KMT2A: variants seen among roughly 807,000 people sequenced by gnomAD.
KMT2A encodes the protein lysine methyltransferase 2A.
KMT2A carries 16 observed loss-of-function variants against 345.3 expected under a neutral mutation model. That is an observed-to-expected ratio of 0.05 (90% CI 0.03 to 0.07). The LOEUF is 0.07. KMT2A is among the 10% of genes least tolerant of loss of function. The probability of loss-of-function intolerance (pLI) is 1.00; values close to 1 mark genes in which losing one functional copy is unlikely to be tolerated. For missense variants in KMT2A, 3,272 were observed against 4,841.6 expected (o/e 0.68, Z 9.62); for synonymous variants, 1,599 against 1,778.6 (o/e 0.90, Z 2.54).
intron 8 of KMT2A, among the ~76,000 whole-genome samples, chr11:118,482,764 A>G (rs906542156): frequency 3.4e-4 from 50 of 146,028 alleles, no homozygotes; most frequent in African/African-American, 9.9e-4. Context: ...AAAAAAAAAA[A>G]AAGAAGAAGA....
rs1555043378 is a variant in KMT2A at position 118,494,447 on chromosome 11, TA to T, written c.5289+50del. ...TTTTTAATGCTTACCTATAAGTAAT[TA>T]CCCTGTGAATACAATGAACTTGTTC... On this transcript the variant is annotated intron_variant, in intron 17 of 35. Coordinates refer to ENST00000534358, the MANE Select transcript of KMT2A (RefSeq NM_001197104.2). The surrounding 1 kb of genome is among the most constrained non-coding windows in gnomAD (Gnocchi z 5.8). 3.9e-6 allele frequency: 4 copies of T among 1,019,246 alleles called. No homozygotes were observed. The South Asian group carries it at 5.3e-5, about 14-fold the overall frequency. The allele number at this position is 1,019,246 out of a possible 1,614,324, so 63.1% of individuals were successfully genotyped here.
At chr11:118,479,617 A>C (rs1314575730) in intron 5 of KMT2A, among the ~76,000 whole-genome samples, 2 of 152,228 alleles carry the variant, frequency 1.3e-5, no homozygotes, top group African/African-American at 4.8e-5. Flanking sequence ...CACAGATCAC[A>C]AAAAAGTACA....
intron 1 of KMT2A, chr11:118,447,662 C>A (rs1432595440): frequency 6.6e-6 from 3 of 453,870 alleles, no homozygotes; most frequent in South Asian, 1.6e-5. Flanking sequence ...ACCTTGGAGA[C>A]GGTTCTGAGG....
chr11:118,455,362 T>C lies in KMT2A; in HGVS notation c.433-13413T>C, dbSNP rs146846144. On this transcript the variant is annotated intron_variant, in intron 1 of 35. Coordinates refer to ENST00000534358, the MANE Select transcript of KMT2A (RefSeq NM_001197104.2). ...TGATTGAGTGACAGTCATATTTGAA[T>C]TATGCCTGTAGCCTGCTATCTGGTC... Among the ~76,000 whole-genome samples, 813 of 152,318 alleles carry C rather than the reference T, an allele frequency of 5.3e-3. 9 individuals are homozygous for C. The highest frequency in any genetic ancestry group is 0.018 in the African/African-American group (732 of 41,566).
rs1555048544 is a variant in KMT2A, at chr11:118,506,573, T to A, written c.10681T>A (p.Ser3561Thr). 5 of 1,614,014 alleles carry A rather than the reference T, an allele frequency of 3.1e-6. No individual in the cohort carries two copies. The highest frequency in any genetic ancestry group is 4.2e-6 in the Non-Finnish European group (5 of 1,180,008). ...DKGNGKKHKV[S>T]HLRTSSSEAH... The stretch of plus-strand genomic sequence containing the variant: ...AGGGAATGGCAAGAAGCACAAAGTT[T>A]CCCATTTGCGGACCAGTTCTTCTGA... The change falls in exon 27 of 36, where the codon TCC becomes ACC. Residue 3561 changes from serine to threonine, a missense_variant. Transcript: ENST00000534358.
chr11:118,494,248 A>G lies in KMT2A; in HGVS notation c.5179-40A>G, dbSNP rs1478914482. The G allele has an allele frequency of 9.5e-7, 1 of 1,057,282 alleles. No homozygotes were observed. The allele number at this position is 1,057,282 out of a possible 1,614,324, so 65.5% of individuals were successfully genotyped here. On this transcript the variant is annotated intron_variant, in intron 16 of 35. Coordinates refer to ENST00000534358, the MANE Select transcript of KMT2A (RefSeq NM_001197104.2). This position sits in a 1 kb window ranked among gnomAD's most constrained non-coding sequence, Gnocchi z 5.8. The stretch of plus-strand genomic sequence containing the variant: ...GAAGAGGAAATGGTTTTCAGAGCAC[A>G]CTGTTTTAAGAATAATTAACATTTT...
chr11:118,472,959 C>T lies in KMT2A; in HGVS notation c.1800C>T (p.Ser600=). 1 of 1,614,056 alleles carries T rather than the reference C, an allele frequency of 6.2e-7. No homozygotes were observed. The highest frequency in any genetic ancestry group is 8.5e-7 in the Non-Finnish European group (1 of 1,180,026). Residue 600 remains serine, a synonymous_variant, in exon 3 of 36, where the codon TCC becomes TCT. Transcript: ENST00000534358. The part of the protein sequence containing the change: ...IPLASPFLPA[S]TAPMQGKRKS... ...TAGCATCACCATTTTTGCCTGCTTC[C>T]ACTGCTCCTATGCAAGGGAAGCGAA...
Position 118,502,657 on chromosome 11 carries a change from A to G in KMT2A, c.6765A>G (p.Ser2255=). Reference sequence around the variant, plus strand: ...ATCATGTCTTAGGGCCACTGAATTCAAGTACTAGTTTAGGGCAAAACACTT... The same window carrying G: ...ATCATGTCTTAGGGCCACTGAATTCGAGTACTAGTTTAGGGCAAAACACTT... ...VVDHVLGPLN[S]STSLGQNTST... is the part of the protein sequence containing the mutation. The change falls in exon 27 of 36, where the codon TCA becomes TCG. Residue 2255 remains serine (S), a synonymous_variant. Transcript: ENST00000534358. The surrounding 1 kb of genome is among the most constrained non-coding windows in gnomAD (Gnocchi z 4.9). The G allele has an allele frequency of 6.2e-7, 1 of 1,614,214 alleles. No individual in the cohort carries two copies. Among genetic ancestry groups the G allele is most frequent in the South Asian group, 1.1e-5 (1 of 91,078 alleles).
intron 15 of KMT2A, among the ~76,000 whole-genome samples, chr11:118,492,341 TTATG>T (rs1188552734): frequency 6.6e-6 from 1 of 152,218 alleles, no homozygotes; most frequent in Non-Finnish European, 1.5e-5. Context: ...CACTTTCTGT[TTATG>T]TAAGTTGTGA....
At chr11:118,474,725 A>G (rs530083042) in intron 3 of KMT2A, among the ~76,000 whole-genome samples, 32 of 152,212 alleles carry the variant, frequency 2.1e-4, no homozygotes, top group Non-Finnish European at 4.0e-4. Context: ...TTAATAGTCA[A>G]ATTGTTTTAC....
chr11:118,511,090 A>G (rs569070347), intron 30 of KMT2A, among the ~76,000 whole-genome samples: 1 of 152,272 alleles, frequency 6.6e-6, no homozygotes, highest in Non-Finnish European at 1.5e-5. Flanking sequence ...GGACTTTGAA[A>G]ACTTGAGGGA....
intron 11 of KMT2A, among the ~76,000 whole-genome samples, chr11:118,489,231 C>CAAAA (rs11412289): frequency 7.7e-5 from 7 of 90,596 alleles, no homozygotes; most frequent in African/African-American, 1.4e-4. Flanking sequence ...GACTCCATCT[C>CAAAA]AAAAAAAAAA....
Position 118,510,000 on chromosome 11 carries a change from T to C in KMT2A, c.10953T>C (p.Leu3651=), listed in dbSNP as rs776770204. ...EESNFSSPLM[L]WLQQEQKRKE... ...GTAATTTCAGCTCCCCACTGATGCT[T>C]TGGCTTCAGCAAGAACAAAAGCGGA... The change falls in exon 30 of 36, where the codon CTT becomes CTC. Residue 3651 remains leucine (L), a synonymous_variant. Transcript: ENST00000534358. 9.3e-6 allele frequency: 15 copies of C among 1,613,560 alleles called. No homozygotes were observed. Among genetic ancestry groups the C allele is most frequent in the Non-Finnish European group, 1.2e-5 (14 of 1,179,742 alleles).
intron 1 of KMT2A, among the ~76,000 whole-genome samples, 198 bp downstream of exon 1, chr11:118,437,142 C>T (rs2134156658): frequency 6.6e-6 from 1 of 151,494 alleles, no homozygotes; most frequent in African/African-American, 2.4e-5. Context: ...GGTTTGGGCC[C>T]ATCTGGCTGA....
chr11:118,519,954 C>T lies in KMT2A; in HGVS notation c.11322-3C>T. The T allele has an allele frequency of 6.2e-7, 1 of 1,611,518 alleles. No homozygotes were observed. Among genetic ancestry groups the T allele is most frequent in the Non-Finnish European group, 8.5e-7 (1 of 1,177,890 alleles). ...TAAATATGTTTTAATCTTTTGGCCC[C>T]AGGAAGTCAGCATTTGACATGTTTA... On this transcript the variant is annotated splice_region_variant and splice_polypyrimidine_tract_variant and intron_variant, in intron 32 of 35. Coordinates refer to ENST00000534358, the MANE Select transcript of KMT2A (RefSeq NM_001197104.2).
chr11:118,517,269 G>A (rs1358314058), intron 31 of KMT2A, among the ~76,000 whole-genome samples: 4 of 151,596 alleles, frequency 2.6e-5, no homozygotes, highest in South Asian at 2.1e-4. Flanking sequence ...GGTGGCGGGC[G>A]CCTGTAGTCC....
chr11:118,512,264 C>T, intron 31 of KMT2A: 1 of 540,644 alleles, frequency 1.8e-6, no homozygotes, highest in Non-Finnish European at 3.2e-6. Context: ...TCTCATCATC[C>T]CTAAAAGAAA....
chr11:118,442,881 A>G (rs1228274533), intron 1 of KMT2A, among the ~76,000 whole-genome samples: 1 of 152,188 alleles, frequency 6.6e-6, no homozygotes, highest in Non-Finnish European at 1.5e-5. Flanking sequence ...CATGCTAGAG[A>G]AAATGCTATC....
intron 31 of KMT2A, among the ~76,000 whole-genome samples, chr11:118,517,105 G>C (rs1019518558): frequency 6.6e-6 from 1 of 151,928 alleles, no homozygotes; most frequent in Admixed American, 6.6e-5. Flanking sequence ...CTGTAGAAAA[G>C]AGTTTGCCAG....
Sources: gnomAD v4.1 joint callset for allele counts (sites outside exome capture counted in the v4.1 genomes callset) on GRCh38, gnomAD v4.1.1 for gene constraint, Gnocchi (gnomAD v3.1) non-coding constraint, MANE v1.5 for transcripts, NCBI Gene and HGNC (gene_info 2026-07-23, HGNC 2026-07-21) for gene names.